Variants in MTMR7 observed in about 807,000 individuals in gnomAD.
The protein encoded by MTMR7 is myotubularin related protein 7.
Under a neutral mutation model 81.2 loss-of-function variants are expected in MTMR7, and 76 were observed. That is an observed-to-expected ratio of 0.94 (90% CI 0.78 to 1.13). MTMR7 has a LOEUF of 1.13. Ranked by LOEUF, MTMR7 falls within the 50% of genes most tolerant of loss-of-function variation. The pLI, the probability that MTMR7 is intolerant of heterozygous loss-of-function variation, is 0.00. For synonymous variants in MTMR7, 372 were observed against 289.8 expected, an observed-to-expected ratio of 1.28 and a Z score of -2.88; for missense variants, 1,044 against 820.0, an observed-to-expected ratio of 1.27 and a Z score of -3.34.
Position 17,371,025 on chromosome 8 carries a change from C to T in MTMR7, c.310+12G>A, listed in dbSNP as rs1320245682. 3 of 1,605,588 alleles carry T rather than the reference C, an allele frequency of 1.9e-6. No individual in the cohort carries two copies. Among genetic ancestry groups the T allele is most frequent in the Non-Finnish European group, 2.6e-6 (3 of 1,176,382 alleles). ...GAGGTTCCATATTAAATGCCGAGTT[C>T]CTCTGCCCTACCTGGCCTTGCAAGG... is the stretch of plus-strand genomic sequence containing the variant. On this transcript the variant is annotated intron_variant, in intron 3 of 13. Transcript: ENST00000180173.
intron 4 of MTMR7, among the ~76,000 whole-genome samples, chr8:17,355,025 T>G (rs1013477416): frequency 6.6e-6 from 1 of 152,212 alleles, no homozygotes; most frequent in Non-Finnish European, 1.5e-5. Flanking sequence ...GTAACTCATG[T>G]TTTGCAGGCT....
At chr8:17,368,231 G>A (rs1041609274) in intron 3 of MTMR7, among the ~76,000 whole-genome samples, 8 of 152,140 alleles carry the variant, frequency 5.3e-5, no homozygotes, top group Non-Finnish European at 1.2e-4. Context: ...ACAGGAGGTA[G>A]AGCTCACGCT....
In MTMR7 at chr8:17,368,520, CT is replaced by C. The variant is rs544507146; in HGVS notation, c.310+2516del. Among the ~76,000 whole-genome samples the C allele has an allele frequency of 2.6e-5, 4 of 152,320 alleles. No individual in the cohort carries two copies. The South Asian group carries it at 8.3e-4, about 32-fold the overall frequency. On this transcript the variant is annotated intron_variant, in intron 3 of 13. Transcript: ENST00000180173. ...TGCCCTTAAAGGCAGTGGACGGTGTCTTTTATAAAATATCTTCAGATGGTTC... is the reference window on the plus strand; with the variant it reads ...TGCCCTTAAAGGCAGTGGACGGTGTCTTTATAAAATATCTTCAGATGGTTC...
intron 7 of MTMR7, among the ~76,000 whole-genome samples, chr8:17,314,921 T>C (rs537621304): frequency 1.3e-5 from 2 of 152,220 alleles, no homozygotes; most frequent in Middle Eastern, 3.4e-3. Context: ...AGGAAGACAC[T>C]ATGTGTCTGA....
In MTMR7 at chr8:17,406,539, T is replaced by C. The variant is rs997649411; in HGVS notation, c.24+6730A>G. Among the ~76,000 whole-genome samples the C allele has an allele frequency of 2.6e-5, 4 of 152,152 alleles. No individual in the cohort carries two copies. The East Asian group carries it at 7.7e-4, about 29-fold the overall frequency. ...GAACCCTTACACATTATTGTCGGGG[T>C]TCTGAAATAGTGCAGCCACTTTGGA... On this transcript the variant is annotated intron_variant, in intron 1 of 13. Transcript: ENST00000180173.
intron 7 of MTMR7, among the ~76,000 whole-genome samples, chr8:17,323,582 G>C (rs1036137284): frequency 3.3e-5 from 5 of 152,110 alleles, no homozygotes; most frequent in African/African-American, 9.7e-5. Flanking sequence ...AATCCCGGAA[G>C]ACTGAGATGG....
chr8:17,322,973 A>C (rs1451491562), intron 7 of MTMR7, among the ~76,000 whole-genome samples: 3 of 81,234 alleles, frequency 3.7e-5, no homozygotes, highest in African/African-American at 2.2e-4. Context: ...TTTTTGAGAC[A>C]GTCTTGCTCT....
intron 1 of MTMR7, among the ~76,000 whole-genome samples, chr8:17,405,721 C>T (rs148708220): frequency 2.2e-3 from 336 of 151,872 alleles, no homozygotes; most frequent in African/African-American, 7.6e-3. Context: ...AATGTATGGT[C>T]ATCATCATAA....
At chr8:17,320,930 C>A (rs1247938074) in intron 7 of MTMR7, among the ~76,000 whole-genome samples, 1 of 152,220 alleles carries the variant, frequency 6.6e-6, no homozygotes, top group Admixed American at 6.5e-5. Context: ...TACACACATT[C>A]CACTGCGTGA....
rs1586111110 is a variant in MTMR7 at position 17,297,556 on chromosome 8, C to T, written c.*2306G>A. On this transcript the variant is annotated 3_prime_UTR_variant, in exon 14 of 14. Transcript: ENST00000180173. ...GCTGGGTCATGGTCAAAATTCTTACCTATTTATTTCATATCAACTTTAAAA... is the reference window on the plus strand; with the variant it reads ...GCTGGGTCATGGTCAAAATTCTTACTTATTTATTTCATATCAACTTTAAAA... 6.6e-6 allele frequency: 1 copy of T among 151,690 alleles called. No individual in the cohort carries two copies. The highest frequency in any genetic ancestry group is 1.9e-4 in the East Asian group (1 of 5,156). The allele number at this position is 151,690 out of a possible 1,614,324, so 9.4% of individuals were successfully genotyped here.
intron 1 of MTMR7, among the ~76,000 whole-genome samples, chr8:17,410,015 A>T (rs1157271705): frequency 6.6e-6 from 1 of 152,164 alleles, no homozygotes; most frequent in Non-Finnish European, 1.5e-5. Flanking sequence ...AGTTCTGAGG[A>T]TTCTCACTTT....
intron 1 of MTMR7, among the ~76,000 whole-genome samples, chr8:17,389,167 A>G (rs374382193): frequency 2.6e-5 from 4 of 152,252 alleles, no homozygotes; most frequent in South Asian, 2.1e-4. Flanking sequence ...CACCTCCTTA[A>G]TAACACCTTT....
In MTMR7 at chr8:17,341,422, C is replaced by G. The variant is rs1819404178; in HGVS notation, c.673G>C (p.Ala225Pro). 1.2e-6 allele frequency: 2 copies of G among 1,614,066 alleles called. No homozygotes were observed. ...RCLEDEQMLQ[A>P]IRKANPGSDF... ...CTTCCTGGATTGGCTTTCCTAATGG[C>G]CTGGAGCATCTGCTCGTCCTCTAGG... Residue 225 changes from alanine to proline, a missense_variant, in exon 6 of 14, where the codon GCC becomes CCC. Physicochemically the swap from Ala to Pro is conservative, Grantham distance 27. Transcript: ENST00000180173.
chr8:17,307,848 G>A (rs1348255711), intron 10 of MTMR7, among the ~76,000 whole-genome samples: 1 of 151,320 alleles, frequency 6.6e-6, no homozygotes, highest in African/African-American at 2.4e-5. Context: ...GAGAACACAA[G>A]GACACAGGAA....
chr8:17,404,131 G>A (rs1821507778), intron 1 of MTMR7, among the ~76,000 whole-genome samples: 1 of 152,176 alleles, frequency 6.6e-6, no homozygotes, highest in Admixed American at 6.5e-5. Context: ...AAAATAAACT[G>A]GTGGGGGAGT....
At chr8:17,394,210 G>C (rs1821184645) in intron 1 of MTMR7, among the ~76,000 whole-genome samples, 1 of 152,114 alleles carries the variant, frequency 6.6e-6, no homozygotes, top group Non-Finnish European at 1.5e-5. Context: ...CAAGAGAACT[G>C]ATAACATATT....
At chr8:17,397,693 G>A (rs1821304235) in intron 1 of MTMR7, among the ~76,000 whole-genome samples, 1 of 152,170 alleles carries the variant, frequency 6.6e-6, no homozygotes, top group Non-Finnish European at 1.5e-5. Flanking sequence ...TTCTCCACCT[G>A]CTAATGGTGG....
chr8:17,407,820 T>A (rs1821631123), intron 1 of MTMR7, among the ~76,000 whole-genome samples: 1 of 152,110 alleles, frequency 6.6e-6, no homozygotes, highest in Non-Finnish European at 1.5e-5. Context: ...AACCAGAAAA[T>A]TATTATTTGC....
In MTMR7 at chr8:17,299,437, T is replaced by C. The variant is rs565945483; in HGVS notation, c.*425A>G. The C allele has an allele frequency of 6.2e-6, 1 of 162,554 alleles. No homozygotes were observed. The highest frequency in any genetic ancestry group is 1.7e-4 in the South Asian group (1 of 5,998). 10.1% of individuals were successfully genotyped at this position (162,554 alleles called of 1,614,324 possible). ...ATAAGAGGGTCGGAAAGGAGGATAA[T>C]GTCAGATGCTTTAGAAAACACAAAA... On this transcript the variant is annotated 3_prime_UTR_variant, in exon 14 of 14. Coordinates refer to ENST00000180173, the MANE Select transcript of MTMR7 (RefSeq NM_004686.5).
Sources: allele counts gnomAD v4.1 joint callset (sites outside exome capture counted in the v4.1 genomes callset), GRCh38; gene constraint gnomAD v4.1.1; transcripts MANE v1.5; gene names NCBI Gene and HGNC (gene_info 2026-07-23, HGNC 2026-07-21).